Variants in SSBP4 observed in about 807,000 individuals in gnomAD.
SSBP4 encodes the protein single-stranded DNA-binding protein 4.
A neutral mutation model predicts 64.6 loss-of-function variants in SSBP4; 33 were observed. That is an observed-to-expected ratio of 0.51 (90% CI 0.39 to 0.68). The LOEUF (loss-of-function observed/expected upper bound fraction) is 0.68. Ranked by LOEUF, SSBP4 falls within the 30% of genes least tolerant of loss-of-function variation. The probability of loss-of-function intolerance (pLI) is 0.00; values close to 1 mark genes in which losing one functional copy is unlikely to be tolerated. For missense variants in SSBP4, 583 were observed against 566.8 expected (o/e 1.03, Z -0.29); for synonymous variants, 243 against 224.0 (o/e 1.08, Z -0.76).
the SSBP4 span, among the ~76,000 whole-genome samples, chr19:18,405,263 AC>A: frequency 1.2e-4 from 18 of 152,042 alleles, no homozygotes; most frequent in African/African-American, 4.1e-4. Flanking sequence ...TTCCCCAGCC[AC>A]CTGCACAGAC....
Position 18,432,746 on chromosome 19 carries a change from G to A in SSBP4, c.786+11G>A. On this transcript the variant is annotated intron_variant, in intron 12 of 17. Transcript: ENST00000270061. ...CCCGGCAGCTACACCGTAAGTCTGA[G>A]CAAAGCTGGGTCACCCCTGGGCAGG... The A allele has an allele frequency of 6.2e-7, 1 of 1,606,610 alleles. No individual in the cohort carries two copies. The highest frequency in any genetic ancestry group is 8.5e-7 in the Non-Finnish European group (1 of 1,174,616).
intron 16 of SSBP4, 41 bp downstream of exon 16, chr19:18,433,654 G>A (rs756305938): frequency 2.8e-6 from 4 of 1,422,672 alleles, no homozygotes; most frequent in African/African-American, 1.5e-5. Flanking sequence ...GATCCGGGGG[G>A]GGTGGCGGGG....
At chr19:18,411,579 C>T in the SSBP4 span, among the ~76,000 whole-genome samples, 1 of 152,144 alleles carries the variant, frequency 6.6e-6, no homozygotes. Flanking sequence ...GGGTATGTCA[C>T]TGGAGCTGAA....
chr19:18,410,510 GGGA>G, the SSBP4 span, among the ~76,000 whole-genome samples: 1 of 152,200 alleles, frequency 6.6e-6, no homozygotes, highest in Non-Finnish European at 1.5e-5. Flanking sequence ...AAGATGCGCA[GGGA>G]GGAGTTCAAA....
chr19:18,433,126 T>C lies in SSBP4; in HGVS notation c.913-9T>C, dbSNP rs1973598122. ...TGGCCCGAGTCCCACGCTGTCCCCA[T>C]GCCCGCAGTTCCCGCTCGGCCCTGG... On this transcript the variant is annotated splice_polypyrimidine_tract_variant and intron_variant, in intron 14 of 17. Coordinates refer to ENST00000270061, the MANE Select transcript of SSBP4 (RefSeq NM_032627.5). 1 of 1,610,712 alleles carries C rather than the reference T, an allele frequency of 6.2e-7. No homozygotes were observed. Among genetic ancestry groups the C allele is most frequent in the African/African-American group, 1.3e-5 (1 of 75,022 alleles).
intron 4 of SSBP4, 97 bp downstream of exon 4, chr19:18,428,079 G>T: frequency 7.7e-7 from 1 of 1,306,528 alleles, no homozygotes; most frequent in East Asian, 2.5e-5. Context: ...AGCCAGAGGA[G>T]GGCTGGGGAT....
chr19:18,434,282 G>T lies in SSBP4; in HGVS notation c.*36G>T, dbSNP rs368759619. 32 of 1,608,788 alleles carry T rather than the reference G, an allele frequency of 2.0e-5. No homozygotes were observed. In the African/African-American group the frequency reaches 4.0e-4, roughly 20 times the overall value. ...GCCCCGGGCCTCTCTGCGGGCCTAG[G>T]CTTCTGCCCAGCGCCCCTGCTCAGG... On this transcript the variant is annotated 3_prime_UTR_variant, in exon 18 of 18. Coordinates refer to ENST00000270061, the MANE Select transcript of SSBP4 (RefSeq NM_032627.5).
chr19:18,432,470 T>C, intron 10 of SSBP4, 89 bp from the exon 11 acceptor site: 2 of 1,495,890 alleles, frequency 1.3e-6, no homozygotes, highest in Non-Finnish European at 1.8e-6. Flanking sequence ...GGTCTGGGGA[T>C]ACAGTGGAGC....
At chr19:18,433,366 G>T in intron 15 of SSBP4, 153 bp downstream of exon 15, 1 of 1,270,780 alleles carries the variant, frequency 7.9e-7, no homozygotes, top group Non-Finnish European at 1.1e-6. Context: ...GCTGCCCCGA[G>T]CTGGAGGGGG....
chr19:18,404,784 G>C, the SSBP4 span, among the ~76,000 whole-genome samples: 6 of 147,414 alleles, frequency 4.1e-5, no homozygotes, highest in East Asian at 1.0e-3. Flanking sequence ...CCCAGCTACC[G>C]GGGAGGCTGA....
At position 18,427,721 on chromosome 19, in the gene SSBP4, C is replaced by T. The variant is rs372229797; in HGVS notation, c.133-31C>T. 22 of 1,557,294 alleles carry T rather than the reference C, an allele frequency of 1.4e-5. No homozygotes were observed. The highest frequency in any genetic ancestry group is 3.5e-4 in the Middle Eastern group (2 of 5,732). ...GGTGGTGGGGCAGGGTCAGGTAGGG[C>T]CACCCCCTCACCACCTTCCTTTCCC... On this transcript the variant is annotated intron_variant, in intron 2 of 17. Coordinates refer to ENST00000270061, the MANE Select transcript of SSBP4 (RefSeq NM_032627.5). This position sits in a 1 kb window ranked among gnomAD's most constrained non-coding sequence, Gnocchi z 4.4.
At chr19:18,429,570 G>A (rs932669787) in intron 4 of SSBP4, among the ~76,000 whole-genome samples, 37 of 152,012 alleles carry the variant, frequency 2.4e-4, no homozygotes, top group African/African-American at 8.7e-4. Flanking sequence ...ACAGACACAG[G>A]GCTCAAAGGT....
At chr19:18,418,510 C>A (rs535286771), upstream of SSBP4, among the ~76,000 whole-genome samples, 5 of 152,340 alleles carry the variant, frequency 3.3e-5, no homozygotes, top group Non-Finnish European at 7.3e-5. The surrounding 1 kb of genome is among the most constrained non-coding windows in gnomAD (Gnocchi z 6.7). Flanking sequence ...GGATGCGCCC[C>A]ATTTACAGCT....
At chr19:18,430,799 G>T in intron 4 of SSBP4, 42 bp from the exon 5 acceptor site, 1 of 1,566,384 alleles carries the variant, frequency 6.4e-7, no homozygotes, top group Non-Finnish European at 8.7e-7. Context: ...GAAGTGTCCA[G>T]GTGTCCTGAC....
chr19:18,420,154 G>GT (rs1226246599), intron 1 of SSBP4: 1 of 152,182 alleles, frequency 6.6e-6, no homozygotes, highest in East Asian at 1.9e-4. Flanking sequence ...ACGAACAAGA[G>GT]TGTCGGCTCG....
upstream of SSBP4, among the ~76,000 whole-genome samples, chr19:18,415,388 C>T (rs943837942): frequency 7.9e-5 from 12 of 152,164 alleles, no homozygotes; most frequent in African/African-American, 2.9e-4. Context: ...AACCCGGCCT[C>T]CTCTGCAGGA....
intron 1 of SSBP4, among the ~76,000 whole-genome samples, chr19:18,424,658 C>A (rs1019165832): frequency 6.6e-6 from 1 of 151,024 alleles, no homozygotes; most frequent in Non-Finnish European, 1.5e-5. Flanking sequence ...AGGTGGGAGA[C>A]GGTGGGTGGC....
chr19:18,433,612 A>G lies in SSBP4; in HGVS notation c.1019A>G (p.Lys340Arg), dbSNP rs1973691987. ...TCGGGCGACATGGACGGGTTGCCGA[A>G]GGTAAGGAGGCTGCGCTCTTGCCGG... ...LGSGDMDGLP[K>R]SSPGAVAGLS... Residue 340 changes from lysine to arginine, a missense_variant and splice_region_variant, in exon 16 of 18, where the codon AAG (lysine) becomes AGG (arginine). Coordinates refer to ENST00000270061, the MANE Select transcript of SSBP4 (RefSeq NM_032627.5). The G allele has an allele frequency of 7.3e-7, 1 of 1,365,412 alleles. No homozygotes were observed. The highest frequency in any genetic ancestry group is 9.5e-7 in the Non-Finnish European group (1 of 1,049,468). The allele number at this position is 1,365,412 out of a possible 1,614,324, so 84.6% of individuals were successfully genotyped here. A position where few individuals can be genotyped will look rare whatever the true frequency, so the allele number is the denominator to read the frequency against.
In SSBP4 at chr19:18,431,994, C is replaced by T; in HGVS notation, c.566-6C>T. ...TCCAAGTCCCCTTCCTTCTGCCCCA[C>T]CCCAGGGCATCCGAGCATGGGCGGC... On this transcript the variant is annotated splice_polypyrimidine_tract_variant and splice_region_variant and intron_variant, in intron 8 of 17. Coordinates refer to ENST00000270061, the MANE Select transcript of SSBP4 (RefSeq NM_032627.5). 2 of 1,557,134 alleles carry T rather than the reference C, an allele frequency of 1.3e-6. No homozygotes were observed. Among genetic ancestry groups the T allele is most frequent in the Non-Finnish European group, 1.7e-6 (2 of 1,146,644 alleles).
Sources: allele counts gnomAD v4.1 joint callset (sites outside exome capture counted in the v4.1 genomes callset), GRCh38; gene constraint gnomAD v4.1.1; non-coding constraint Gnocchi (gnomAD v3.1); transcripts MANE v1.5; gene names NCBI Gene and HGNC (gene_info 2026-07-23, HGNC 2026-07-21).